CHST9: variants seen among roughly 807,000 people sequenced by gnomAD.
CHST9 encodes carbohydrate sulfotransferase 9.
CHST9 carries 41 observed loss-of-function variants against 44.4 expected under a neutral mutation model. That is an observed-to-expected ratio of 0.92 (90% CI 0.72 to 1.20). The LOEUF is 1.20. Ranked by LOEUF, CHST9 falls within the 50% of genes most tolerant of loss-of-function variation. The pLI, the probability that CHST9 is intolerant of heterozygous loss-of-function variation, is 0.00. For synonymous variants in CHST9, 171 were observed against 178.4 expected, an observed-to-expected ratio of 0.96 and a Z score of 0.33; for missense variants, 504 against 516.5, an observed-to-expected ratio of 0.98 and a Z score of 0.23.
chr18:27,126,186 G>T (rs1468504832), intron 2 of CHST9, among the ~76,000 whole-genome samples: 1 of 152,190 alleles, frequency 6.6e-6, no homozygotes, highest in Non-Finnish European at 1.5e-5. Context: ...CATGGTTACG[G>T]AAGTTTGGAG....
chr18:27,100,113 C>G (rs117475898), intron 2 of CHST9, among the ~76,000 whole-genome samples: 1 of 151,808 alleles, frequency 6.6e-6, no homozygotes, highest in East Asian at 1.9e-4. Flanking sequence ...TACAGTAACA[C>G]GAGTGCAGCT....
chr18:27,154,608 G>T (rs958315130), intron 1 of CHST9, among the ~76,000 whole-genome samples: 3 of 152,070 alleles, frequency 2.0e-5, no homozygotes, highest in Non-Finnish European at 4.4e-5. Context: ...CACCAGAAAA[G>T]AACTATACTA....
chr18:27,077,297 A>G (rs577618520), intron 2 of CHST9, among the ~76,000 whole-genome samples: 2 of 152,354 alleles, frequency 1.3e-5, no homozygotes, highest in African/African-American at 4.8e-5. Context: ...TTTTAGTTTG[A>G]ATACCCTTCA....
chr18:26,992,370 A>G lies in CHST9; in HGVS notation c.202+31746T>C, dbSNP rs559311074. ...GAGTTTATAATCACTGAGGGTGGGG[A>G]TTGACTGTCTCTTATTTACCACTGA... On this transcript the variant is annotated intron_variant, in intron 4 of 5. Coordinates refer to ENST00000618847, the MANE Select transcript of CHST9 (RefSeq NM_031422.6). Among the ~76,000 whole-genome samples, 33 of 66,986 alleles carry G rather than the reference A, an allele frequency of 4.9e-4. 11 individuals carry two copies. The highest frequency in any genetic ancestry group is 1.2e-3 in the Non-Finnish European group (29 of 24,664). 43.9% of individuals were successfully genotyped at this position (66,986 alleles called of 152,430 possible). A position where few individuals can be genotyped will look rare whatever the true frequency, so the allele number is the denominator to read the frequency against.
intron 1 of CHST9, among the ~76,000 whole-genome samples, chr18:27,174,505 C>A (rs572280040): frequency 6.6e-6 from 1 of 152,092 alleles, no homozygotes; most frequent in Admixed American, 6.6e-5. Context: ...TGGTATCTGT[C>A]AGACACCAAC....
At chr18:26,966,433 A>G (rs938226884) in intron 4 of CHST9, among the ~76,000 whole-genome samples, 4 of 152,224 alleles carry the variant, frequency 2.6e-5, no homozygotes, top group African/African-American at 9.6e-5. Context: ...ATAATAATCT[A>G]GATCTTTGGG....
intron 1 of CHST9, among the ~76,000 whole-genome samples, chr18:27,166,102 CCTT>C (rs2058788200): frequency 1.3e-5 from 2 of 152,088 alleles, no homozygotes; most frequent in Non-Finnish European, 2.9e-5. Flanking sequence ...GGAGTTCTCC[CCTT>C]CTTTCTCTTC....
At chr18:26,966,881 A>T (rs1253196872) in intron 4 of CHST9, among the ~76,000 whole-genome samples, 11 of 71,610 alleles carry the variant, frequency 1.5e-4, no homozygotes, top group African/African-American at 2.7e-4. Flanking sequence ...TACTTTCTTT[A>T]AAAAAAAAAA....
At position 26,916,812 on chromosome 18, in the gene CHST9, C is replaced by T; in HGVS notation, c.779G>A (p.Ser260Asn). The change falls in exon 6 of 6, where the codon AGC (serine) becomes AAC (asparagine). Residue 260 changes from serine (S) to asparagine (N), a missense_variant. Physicochemically the swap from Ser to Asn is conservative, Grantham distance 46. Coordinates refer to ENST00000618847, the MANE Select transcript of CHST9 (RefSeq NM_031422.6). Reference protein sequence around the residue: ...HYGKHLKKLDSFDLKGIYTRL... With the variant: ...HYGKHLKKLDNFDLKGIYTRL... ...GGTATATATCCCTTTTAGGTCAAAG[C>T]TATCTAGCTTCTTCAAATGCTTCCC... 3 of 1,613,868 alleles carry T rather than the reference C, an allele frequency of 1.9e-6. No homozygotes were observed. Among genetic ancestry groups the T allele is most frequent in the South Asian group, 1.1e-5 (1 of 91,070 alleles).
At chr18:26,940,238 C>T (rs16943003) in intron 5 of CHST9, among the ~76,000 whole-genome samples, 23,610 of 151,928 alleles carry the variant, frequency 0.16, 2,031 homozygotes, top group East Asian at 0.23. Context: ...AAAAACCTGT[C>T]TTTGCATGAC....
At chr18:27,144,358 A>G (rs2143875599) in intron 1 of CHST9, among the ~76,000 whole-genome samples, 1 of 152,286 alleles carries the variant, frequency 6.6e-6, no homozygotes, top group Admixed American at 6.5e-5. Flanking sequence ...GTCTGGTTAA[A>G]GGATAATATT....
intron 1 of CHST9, among the ~76,000 whole-genome samples, chr18:27,150,094 G>C (rs1246354405): frequency 6.7e-6 from 1 of 150,290 alleles, no homozygotes; most frequent in African/African-American, 2.4e-5. Flanking sequence ...TTAGTGAAAG[G>C]CTTTTTGATT....
At chr18:26,990,465 T>G (rs1050122170) in intron 4 of CHST9, among the ~76,000 whole-genome samples, 1 of 152,210 alleles carries the variant, frequency 6.6e-6, no homozygotes, top group Non-Finnish European at 1.5e-5. Flanking sequence ...ATAAGTATGT[T>G]ATGCTCCAAA....
intron 5 of CHST9, among the ~76,000 whole-genome samples, chr18:26,938,407 C>T (rs2056030881): frequency 6.6e-6 from 1 of 152,156 alleles, no homozygotes; most frequent in Admixed American, 6.5e-5. Context: ...TCTAAAAGTG[C>T]AACTCTCTCA....
At chr18:27,041,115 G>C (rs1358911915) in intron 3 of CHST9, among the ~76,000 whole-genome samples, 1 of 152,062 alleles carries the variant, frequency 6.6e-6, no homozygotes, top group East Asian at 1.9e-4. Context: ...TAAATTAGTT[G>C]ATCATTCAAC....
At chr18:27,024,716 T>C (rs1568137882) in intron 3 of CHST9, among the ~76,000 whole-genome samples, 1 of 152,132 alleles carries the variant, frequency 6.6e-6, no homozygotes, top group Non-Finnish European at 1.5e-5. Flanking sequence ...AAAGCTAGGA[T>C]AAAAAAGAGG....
At chr18:27,168,324 T>C (rs2058807859) in intron 1 of CHST9, among the ~76,000 whole-genome samples, 1 of 152,238 alleles carries the variant, frequency 6.6e-6, no homozygotes, top group South Asian at 2.1e-4. Flanking sequence ...TCCGCCCGCC[T>C]CAGCCTCCCA....
chr18:27,023,565 G>C (rs1194111182), intron 4 of CHST9, among the ~76,000 whole-genome samples: 1 of 152,128 alleles, frequency 6.6e-6, no homozygotes, highest in African/African-American at 2.4e-5. Flanking sequence ...GTATGCCAAA[G>C]CCATGAAAAC....
chr18:26,979,624 A>T (rs1322984554), intron 4 of CHST9, among the ~76,000 whole-genome samples: 1 of 152,072 alleles, frequency 6.6e-6, no homozygotes, highest in African/African-American at 2.4e-5. Context: ...TTCTTCTTCT[A>T]AGAGTTAATT....
Sources: gnomAD v4.1 joint callset for allele counts (sites outside exome capture counted in the v4.1 genomes callset) on GRCh38, gnomAD v4.1.1 for gene constraint, MANE v1.5 for transcripts, NCBI Gene and HGNC (gene_info 2026-07-23, HGNC 2026-07-21) for gene names.